B3GNT8: variants seen among roughly 807,000 people sequenced by gnomAD.
The protein encoded by B3GNT8 is UDP-GlcNAc:betaGal beta-1,3-N-acetylglucosaminyltransferase 8.
For synonymous variants in B3GNT8, 258 were observed against 238.3 expected, an observed-to-expected ratio of 1.08 and a Z score of -0.76; for missense variants, 502 against 530.5, an observed-to-expected ratio of 0.95 and a Z score of 0.53.
Position 41,426,269 on chromosome 19 carries a change from C to G in B3GNT8, c.510G>C (p.Thr170=), listed in dbSNP as rs755856349. The G allele has an allele frequency of 2.7e-5, 44 of 1,613,302 alleles. No individual in the cohort carries two copies. The East Asian group carries it at 9.1e-4, about 33-fold the overall frequency. ...GGATCCCTGGAGCTGGACTGCCCCA[C>G]GTCTCTCTCACGGCCTGTCGTTCTG... ...RFAERQAVRE[T]WGSPAPGIRL... The change falls in exon 2 of 2, where the codon ACG becomes ACC. Residue 170 remains threonine, a synonymous_variant. Transcript: ENST00000691102. This position sits in a 1 kb window ranked among gnomAD's most constrained non-coding sequence, Gnocchi z 4.9.
rs1203677560 is a variant in B3GNT8 at position 41,425,572 on chromosome 19, T to A, written c.*13A>T. Reference sequence around the variant, plus strand: ...CCAGGCCAGGTCAGCACCTCCGCCCTCCCCAATGAGAGTCAGCACTGGAGC... The same window carrying A: ...CCAGGCCAGGTCAGCACCTCCGCCCACCCCAATGAGAGTCAGCACTGGAGC... On this transcript the variant is annotated 3_prime_UTR_variant, in exon 2 of 2. Transcript: ENST00000691102. 4 of 1,290,938 alleles carry A rather than the reference T, an allele frequency of 3.1e-6. No individual in the cohort carries two copies. The highest frequency in any genetic ancestry group is 4.1e-6 in the Non-Finnish European group (4 of 974,776). 80.0% of individuals were successfully genotyped at this position (1,290,938 alleles called of 1,614,324 possible).
At position 41,426,131 on chromosome 19, in the gene B3GNT8, G is replaced by A. The variant is rs534080499; in HGVS notation, c.648C>T (p.Asp216=). Residue 216 remains aspartate (D), a synonymous_variant, in exon 2 of 2, where the codon GAC becomes GAT. Coordinates refer to ENST00000691102, the MANE Select transcript of B3GNT8 (RefSeq NM_001385648.2). This position sits in a 1 kb window ranked among gnomAD's most constrained non-coding sequence, Gnocchi z 4.9. ...CTTTGAGCGTCTGGTTGAATGGGACGTCGAGGAAGTCCCAGAGCAGCAGGT... is the reference window on the plus strand; with the variant it reads ...CTTTGAGCGTCTGGTTGAATGGGACATCGAGGAAGTCCCAGAGCAGCAGGT... ...YSDLLLWDFL[D]VPFNQTLKDL... 1.7e-4 allele frequency: 271 copies of A among 1,613,820 alleles called. 2 individuals are homozygous for A. The South Asian group carries it at 2.6e-3, about 15-fold the overall frequency.
At position 41,426,232 on chromosome 19, in the gene B3GNT8, G is replaced by A; in HGVS notation, c.547C>T (p.Leu183=). 1 of 1,613,566 alleles carries A rather than the reference G, an allele frequency of 6.2e-7. No individual in the cohort carries two copies. The highest frequency in any genetic ancestry group is 8.5e-7 in the Non-Finnish European group (1 of 1,179,948). Residue 183 remains leucine (L), a synonymous_variant, in exon 2 of 2, where the codon CTG becomes TTG. Coordinates refer to ENST00000691102, the MANE Select transcript of B3GNT8 (RefSeq NM_001385648.2). This position sits in a 1 kb window ranked among gnomAD's most constrained non-coding sequence, Gnocchi z 4.9. ...GCCTCACCCACCGGAGACCCTAGCA[G>A]GAAGAGCAGCCGGATCCCTGGAGCT... ...SPAPGIRLLF[L]LGSPVGEAGP...
rs749938484 is a variant in B3GNT8, at chr19:41,426,474, G to T, written c.305C>A (p.Ala102Asp). The change falls in exon 2 of 2, where the codon GCC becomes GAC. Residue 102 changes from alanine to aspartate, a missense_variant. By Grantham distance (126) the Ala-to-Asp change is moderately radical. Coordinates refer to ENST00000691102, the MANE Select transcript of B3GNT8 (RefSeq NM_001385648.2). The surrounding 1 kb of genome is among the most constrained non-coding windows in gnomAD (Gnocchi z 4.9). The stretch of plus-strand genomic sequence containing the variant: ...GGAGGCGAAGTCAGGGATCTCGGTG[G>T]CGGCGGCGGCCCCCCAAGCCTGGCA... ...GGCQAWGAAA[A>D]TEIPDFASYP... The T allele has an allele frequency of 6.2e-7, 1 of 1,602,146 alleles. No individual in the cohort carries two copies. The highest frequency in any genetic ancestry group is 1.1e-5 in the South Asian group (1 of 90,100).
At position 41,426,091 on chromosome 19, in the gene B3GNT8, CCAG is replaced by C. The variant is rs2039430423; in HGVS notation, c.685_687del (p.Leu229del). 1 of 1,613,618 alleles carries C rather than the reference CCAG, an allele frequency of 6.2e-7. No homozygotes were observed. ...GTGGGGCAGTGGCGGCCCAGCCAGG[CCAG>C]CAGCAGCAGGTCTTTGAGCGTCTGG... On this transcript the variant is annotated inframe_deletion, in exon 2 of 2. Coordinates refer to ENST00000691102, the MANE Select transcript of B3GNT8 (RefSeq NM_001385648.2). The surrounding 1 kb of genome is among the most constrained non-coding windows in gnomAD (Gnocchi z 4.9).
In B3GNT8 at chr19:41,426,836, C is replaced by T. The variant is rs536740389; in HGVS notation, c.-32-26G>A. The T allele has an allele frequency of 1.2e-4, 181 of 1,563,328 alleles. No homozygotes were observed. The East Asian group carries it at 3.7e-3, about 32-fold the overall frequency. ...CTACAAGGGAGCCACAGGGGAGCCACGGAGGCCATTGGGGTGTGGGGATGG... is the reference window on the plus strand; with the variant it reads ...CTACAAGGGAGCCACAGGGGAGCCATGGAGGCCATTGGGGTGTGGGGATGG... On this transcript the variant is annotated intron_variant, in intron 1 of 1. Transcript: ENST00000691102. This position sits in a 1 kb window ranked among gnomAD's most constrained non-coding sequence, Gnocchi z 4.9.
Position 41,426,321 on chromosome 19 carries a change from G to T in B3GNT8, c.458C>A (p.Ala153Asp), listed in dbSNP as rs1406352318. The T allele has an allele frequency of 6.2e-7, 1 of 1,613,290 alleles. No homozygotes were observed. Among genetic ancestry groups the T allele is most frequent in the Non-Finnish European group, 8.5e-7 (1 of 1,180,036 alleles). The change falls in exon 2 of 2, where the codon GCC becomes GAC. Residue 153 changes from alanine (A) to aspartate (D), a missense_variant. Coordinates refer to ENST00000691102, the MANE Select transcript of B3GNT8 (RefSeq NM_001385648.2). This position sits in a 1 kb window ranked among gnomAD's most constrained non-coding sequence, Gnocchi z 4.9. ...SDTDVPYLLL[A>D]VKSEPGRFAE... ...AAAGCGCCCTGGTTCTGACTTGACG[G>T]CCAACAGCAGGTAGGGGACATCAGT...
At position 41,425,398 on chromosome 19, in the gene B3GNT8, G is replaced by A; in HGVS notation, c.*187C>T. On this transcript the variant is annotated 3_prime_UTR_variant, in exon 2 of 2. Coordinates refer to ENST00000691102, the MANE Select transcript of B3GNT8 (RefSeq NM_001385648.2). Reference sequence around the variant, plus strand: ...GCATGTTTTTCAAAAACAAAAAGTAGGCAAAAACAGTCCACCACCCCATCT... The same window carrying A: ...GCATGTTTTTCAAAAACAAAAAGTAAGCAAAAACAGTCCACCACCCCATCT... 2.3e-6 allele frequency: 1 copy of A among 434,250 alleles called. No homozygotes were observed. Among genetic ancestry groups the A allele is most frequent in the Non-Finnish European group, 4.0e-6 (1 of 250,180 alleles). 26.9% of individuals were successfully genotyped at this position (434,250 alleles called of 1,614,324 possible).
At position 41,426,628 on chromosome 19, in the gene B3GNT8, C is replaced by G. The variant is rs999181327; in HGVS notation, c.151G>C (p.Glu51Gln). 3.1e-6 allele frequency: 5 copies of G among 1,612,914 alleles called. No homozygotes were observed. Among genetic ancestry groups the G allele is most frequent in the Non-Finnish European group, 4.2e-6 (5 of 1,179,562 alleles). ...GAGAGGTTGGCAGGTAGGGTGGGCT[C>G]AGGGTTGGCTGGCGTGGGGCTTGGC... ...TPPSPTPANP[E>Q]PTLPANLSTR... Residue 51 changes from glutamate (E) to glutamine (Q), a missense_variant, in exon 2 of 2, where the codon GAG becomes CAG. By Grantham distance (29) the Glu-to-Gln change is conservative (BLOSUM62 2). Transcript: ENST00000691102. This position sits in a 1 kb window ranked among gnomAD's most constrained non-coding sequence, Gnocchi z 4.9.
Position 41,425,737 on chromosome 19 carries a change from G to A in B3GNT8, c.1042C>T (p.Pro348Ser), listed in dbSNP as rs768060232. ...GLCIRALGLV[P>S]QAHPGFLTAW... ...GTGAGGAAGCCTGGGTGGGCCTGGG[G>A]CACCAGGCCCAGGGCTCGGATGCAA... The change falls in exon 2 of 2, where the codon CCC (proline) becomes TCC (serine). Residue 348 changes from proline to serine, a missense_variant. Physicochemically the swap from Pro to Ser is moderately conservative, Grantham distance 74. Transcript: ENST00000691102. 3 of 1,588,418 alleles carry A rather than the reference G, an allele frequency of 1.9e-6. No individual in the cohort carries two copies. Among genetic ancestry groups the A allele is most frequent in the Non-Finnish European group, 2.6e-6 (3 of 1,166,128 alleles).
Position 41,426,914 on chromosome 19 carries a change from A to G in B3GNT8, c.-32-104T>C, listed in dbSNP as rs553441927. 177 of 869,964 alleles carry G rather than the reference A, an allele frequency of 2.0e-4. 1 individual carries two copies. Among genetic ancestry groups the G allele is most frequent in the Non-Finnish European group, 2.8e-4 (158 of 554,404 alleles). 53.9% of individuals were successfully genotyped at this position (869,964 alleles called of 1,614,324 possible). A position where few individuals can be genotyped will look rare whatever the true frequency, so the allele number is the denominator to read the frequency against. On this transcript the variant is annotated intron_variant, in intron 1 of 1. Transcript: ENST00000691102. This position sits in a 1 kb window ranked among gnomAD's most constrained non-coding sequence, Gnocchi z 4.9. Reference sequence around the variant, plus strand: ...CAGGCAGACAGCTTCACAATCTCCCATAGTCCCCGCCAACCCCCATAACAG... The same window carrying G: ...CAGGCAGACAGCTTCACAATCTCCCGTAGTCCCCGCCAACCCCCATAACAG...
In B3GNT8 at chr19:41,425,836, G is replaced by A. The variant is rs540476064; in HGVS notation, c.943C>T (p.Arg315Cys). Residue 315 changes from arginine (R) to cysteine (C), a missense_variant, in exon 2 of 2, where the codon CGC becomes TGC. By Grantham distance (180) the Arg-to-Cys change is radical. Coordinates refer to ENST00000691102, the MANE Select transcript of B3GNT8 (RefSeq NM_001385648.2). ...GCCCGCAGCAGCCAGGGTGCCAGGCGCCCGGCAATGACGTAGCCACCCCCG... is the reference window on the plus strand; with the variant it reads ...GCCCGCAGCAGCCAGGGTGCCAGGCACCCGGCAATGACGTAGCCACCCCCG... ...ASGGGYVIAG[R>C]LAPWLLRAAA... 3.0e-5 allele frequency: 48 copies of A among 1,613,034 alleles called. No homozygotes were observed. The highest frequency in any genetic ancestry group is 8.9e-5 in the East Asian group (4 of 44,864).
rs745842729 is a variant in B3GNT8 at position 41,426,283 on chromosome 19, C to T, written c.496G>A (p.Ala166Thr). 6.2e-7 allele frequency: 1 copy of T among 1,613,410 alleles called. No individual in the cohort carries two copies. Among genetic ancestry groups the T allele is most frequent in the Non-Finnish European group, 8.5e-7 (1 of 1,180,032 alleles). The change falls in exon 2 of 2, where the codon GCC becomes ACC. Residue 166 changes from alanine to threonine, a missense_variant. By Grantham distance (58) the Ala-to-Thr change is moderately conservative (BLOSUM62 0). Coordinates refer to ENST00000691102, the MANE Select transcript of B3GNT8 (RefSeq NM_001385648.2). This position sits in a 1 kb window ranked among gnomAD's most constrained non-coding sequence, Gnocchi z 4.9. The stretch of plus-strand genomic sequence containing the variant: ...GGACTGCCCCACGTCTCTCTCACGG[C>T]CTGTCGTTCTGCAAAGCGCCCTGGT... Reference protein sequence around the residue: ...SEPGRFAERQAVRETWGSPAP... With the variant: ...SEPGRFAERQTVRETWGSPAP...
Position 41,426,903 on chromosome 19 carries a change from C to A in B3GNT8, c.-32-93G>T. Reference sequence around the variant, plus strand: ...CAGCCAGGCCCCAGGCAGACAGCTTCACAATCTCCCATAGTCCCCGCCAAC... The same window carrying A: ...CAGCCAGGCCCCAGGCAGACAGCTTAACAATCTCCCATAGTCCCCGCCAAC... On this transcript the variant is annotated intron_variant, in intron 1 of 1. Coordinates refer to ENST00000691102, the MANE Select transcript of B3GNT8 (RefSeq NM_001385648.2). This position sits in a 1 kb window ranked among gnomAD's most constrained non-coding sequence, Gnocchi z 4.9. 1 of 941,176 alleles carries A rather than the reference C, an allele frequency of 1.1e-6. No homozygotes were observed. The highest frequency in any genetic ancestry group is 1.6e-6 in the Non-Finnish European group (1 of 613,612). 58.3% of individuals were successfully genotyped at this position (941,176 alleles called of 1,614,324 possible). A position where few individuals can be genotyped will look rare whatever the true frequency, so the allele number is the denominator to read the frequency against.
rs759042556 is a variant in B3GNT8 at position 41,425,559 on chromosome 19, A to G, written c.*26T>C. Reference sequence around the variant, plus strand: ...CGGCCCCAGAGGCCCAGGCCAGGTCAGCACCTCCGCCCTCCCCAATGAGAG... The same window carrying G: ...CGGCCCCAGAGGCCCAGGCCAGGTCGGCACCTCCGCCCTCCCCAATGAGAG... On this transcript the variant is annotated 3_prime_UTR_variant, in exon 2 of 2. Coordinates refer to ENST00000691102, the MANE Select transcript of B3GNT8 (RefSeq NM_001385648.2). 2.7e-6 allele frequency: 2 copies of G among 748,330 alleles called. No individual in the cohort carries two copies. Among genetic ancestry groups the G allele is most frequent in the Admixed American group, 7.2e-5 (2 of 27,590 alleles). The allele number at this position is 748,330 out of a possible 1,614,324, so 46.4% of individuals were successfully genotyped here. A position where few individuals can be genotyped will look rare whatever the true frequency, so the allele number is the denominator to read the frequency against.
At position 41,426,443 on chromosome 19, in the gene B3GNT8, G is replaced by A; in HGVS notation, c.336C>T (p.Pro112=). Residue 112 remains proline (P), a synonymous_variant, in exon 2 of 2, where the codon CCC becomes CCT. Transcript: ENST00000691102. The surrounding 1 kb of genome is among the most constrained non-coding windows in gnomAD (Gnocchi z 4.9). ...ACAGCAAGAAGCGGCGGAGGTCCTTGGGGTAGGAGGCGAAGTCAGGGATCT... is the reference window on the plus strand; with the variant it reads ...ACAGCAAGAAGCGGCGGAGGTCCTTAGGGTAGGAGGCGAAGTCAGGGATCT... ...ATEIPDFASY[P]KDLRRFLLSA... 1 of 1,609,110 alleles carries A rather than the reference G, an allele frequency of 6.2e-7. No individual in the cohort carries two copies. The highest frequency in any genetic ancestry group is 1.1e-5 in the South Asian group (1 of 91,052).
In B3GNT8 at chr19:41,426,833, C is replaced by CCA; in HGVS notation, c.-32-25_-32-24dup. 1 of 1,564,728 alleles carries CCA rather than the reference C, an allele frequency of 6.4e-7. No individual in the cohort carries two copies. The highest frequency in any genetic ancestry group is 8.7e-7 in the Non-Finnish European group (1 of 1,153,284). ...GAGCTACAAGGGAGCCACAGGGGAG[C>CCA]CACGGAGGCCATTGGGGTGTGGGGA... On this transcript the variant is annotated intron_variant, in intron 1 of 1. Transcript: ENST00000691102. The surrounding 1 kb of genome is among the most constrained non-coding windows in gnomAD (Gnocchi z 4.9).
In B3GNT8 at chr19:41,426,270, G is replaced by A. The variant is rs549435727; in HGVS notation, c.509C>T (p.Thr170Met). 25 of 1,613,370 alleles carry A rather than the reference G, an allele frequency of 1.5e-5. 1 individual carries two copies. The highest frequency in any genetic ancestry group is 5.0e-5 in the Admixed American group (3 of 60,010). Residue 170 changes from threonine to methionine, a missense_variant, in exon 2 of 2, where the codon ACG becomes ATG. By Grantham distance (81) the Thr-to-Met change is moderately conservative (BLOSUM62 -1). Transcript: ENST00000691102. This position sits in a 1 kb window ranked among gnomAD's most constrained non-coding sequence, Gnocchi z 4.9. ...RFAERQAVRE[T>M]WGSPAPGIRL... ...GATCCCTGGAGCTGGACTGCCCCAC[G>A]TCTCTCTCACGGCCTGTCGTTCTGC...
Position 41,426,774 on chromosome 19 carries a change from C to T in B3GNT8, c.5G>A (p.Arg2His), listed in dbSNP as rs149217128. ...CAGGCAGAGAAGGCACTTGGGGCAG[C>T]GCATGACCCGGCCCAGGGAAGGGGC... The part of the protein sequence containing the change: M[R>H]CPKCLLCLSA... Residue 2 changes from arginine (R) to histidine (H), a missense_variant, in exon 2 of 2, where the codon CGC becomes CAC. Transcript: ENST00000691102. This position sits in a 1 kb window ranked among gnomAD's most constrained non-coding sequence, Gnocchi z 4.9. 97 of 1,611,222 alleles carry T rather than the reference C, an allele frequency of 6.0e-5. No individual in the cohort carries two copies. The highest frequency in any genetic ancestry group is 2.0e-4 in the South Asian group (18 of 91,074).
Sources: gnomAD v4.1 joint callset for allele counts on GRCh38, gnomAD v4.1.1 for gene constraint, Gnocchi (gnomAD v3.1) non-coding constraint, MANE v1.5 for transcripts, NCBI Gene and HGNC (gene_info 2026-07-23, HGNC 2026-07-21) for gene names.